KIAA1549L: variants seen among roughly 807,000 people sequenced by gnomAD.
The protein encoded by KIAA1549L is KIAA1549 like.
KIAA1549L carries 88 observed loss-of-function variants against 160.7 expected under a neutral mutation model. The observed-to-expected ratio is 0.55, with a 90% CI of 0.46 to 0.65. The LOEUF (loss-of-function observed/expected upper bound fraction) is 0.65. KIAA1549L is among the 30% of genes least tolerant of loss of function. KIAA1549L has a pLI of 0.00. For synonymous variants in KIAA1549L, 950 were observed against 976.7 expected, an observed-to-expected ratio of 0.97 and a Z score of 0.51; for missense variants, 2,258 against 2,437.5, an observed-to-expected ratio of 0.93 and a Z score of 1.55.
At chr11:33,606,589 A>G in intron 13 of KIAA1549L, 52 bp from the exon 14 acceptor site, 1 of 1,566,104 alleles carries the variant, frequency 6.4e-7, no homozygotes, top group Non-Finnish European at 8.7e-7. Flanking sequence ...TTCTCCTGGG[A>G]TCACACAGCT....
intron 1 of KIAA1549L, among the ~76,000 whole-genome samples, chr11:33,379,821 A>C (rs4755575): frequency 0.12 from 17,906 of 152,246 alleles, 1,483 homozygotes; most frequent in Middle Eastern, 0.23. Flanking sequence ...AGTGAATGCT[A>C]CCTGCTGTTT....
At chr11:33,415,392 G>A in intron 1 of KIAA1549L, among the ~76,000 whole-genome samples, 1 of 152,136 alleles carries the variant, frequency 6.6e-6, no homozygotes, top group Non-Finnish European at 1.5e-5. Flanking sequence ...TACCAGTTCT[G>A]AATTTGGCTT....
At chr11:33,449,081 G>A (rs1030266030) in intron 1 of KIAA1549L, among the ~76,000 whole-genome samples, 1 of 152,160 alleles carries the variant, frequency 6.6e-6, no homozygotes, top group Non-Finnish European at 1.5e-5. Context: ...GGAATAAAAA[G>A]TTAACAGTGA....
chr11:33,390,808 T>C (rs1474027491), intron 1 of KIAA1549L, among the ~76,000 whole-genome samples: 1 of 152,174 alleles, frequency 6.6e-6, no homozygotes, highest in Non-Finnish European at 1.5e-5. Flanking sequence ...TTGGCCAATT[T>C]TCCTTGTATA....
At chr11:33,398,455 C>A (rs912478912) in intron 1 of KIAA1549L, among the ~76,000 whole-genome samples, 1 of 152,110 alleles carries the variant, frequency 6.6e-6, no homozygotes, top group East Asian at 1.9e-4. Flanking sequence ...TCCCATAGAG[C>A]AGGAACTAGT....
intron 13 of KIAA1549L, among the ~76,000 whole-genome samples, chr11:33,600,172 C>G (rs1327289690): frequency 6.6e-6 from 1 of 152,106 alleles, no homozygotes; most frequent in African/African-American, 2.4e-5. Flanking sequence ...TTTTGTCTTT[C>G]CCTGAATTCT....
At chr11:33,630,831 T>TC (rs1851265697) in intron 16 of KIAA1549L, among the ~76,000 whole-genome samples, 1 of 152,230 alleles carries the variant, frequency 6.6e-6, no homozygotes, top group Admixed American at 6.5e-5. Context: ...CAAGGGCTTT[T>TC]CTCTACATGA....
intron 10 of KIAA1549L, among the ~76,000 whole-genome samples, chr11:33,576,302 A>G (rs189607982): frequency 2.2e-4 from 33 of 152,122 alleles, no homozygotes; most frequent in African/African-American, 8.0e-4. Flanking sequence ...CTGACCTTGT[A>G]TTGTCTTGCT....
chr11:33,461,311 C>G (rs977771267), intron 1 of KIAA1549L, among the ~76,000 whole-genome samples: 1 of 152,212 alleles, frequency 6.6e-6, no homozygotes, highest in African/African-American at 2.4e-5. Flanking sequence ...ATCTCACTCT[C>G]AGCTGTTACA....
chr11:33,447,858 G>A (rs1252508495), intron 1 of KIAA1549L, among the ~76,000 whole-genome samples: 1 of 152,100 alleles, frequency 6.6e-6, no homozygotes, highest in African/African-American at 2.4e-5. Flanking sequence ...ATAAATGCAA[G>A]AGTGAAGTGA....
Position 33,618,615 on chromosome 11 carries a change from G to A in KIAA1549L, c.5362G>A (p.Val1788Met). ...AGGGGAAACCGAGATGGACCTTCTGGTGACTCGGGAGCGACCCCGGCGTGG... is the reference window on the plus strand; with the variant it reads ...AGGGGAAACCGAGATGGACCTTCTGATGACTCGGGAGCGACCCCGGCGTGG... ...SPGETEMDLLVTRERPRRGIR... is the reference protein window; with the variant it reads ...SPGETEMDLLMTRERPRRGIR... Residue 1788 changes from valine (V) to methionine (M), a missense_variant, in exon 16 of 21, where the codon GTG becomes ATG. Coordinates refer to ENST00000658780, the MANE Select transcript of KIAA1549L (RefSeq NM_012194.3). 6.2e-7 allele frequency: 1 copy of A among 1,607,908 alleles called. No homozygotes were observed. Among genetic ancestry groups the A allele is most frequent in the South Asian group, 1.1e-5 (1 of 90,036 alleles).
In KIAA1549L at chr11:33,568,205, C is replaced by T; in HGVS notation, c.4208C>T (p.Thr1403Ile). 6.2e-7 allele frequency: 1 copy of T among 1,613,540 alleles called. No individual in the cohort carries two copies. Among genetic ancestry groups the T allele is most frequent in the African/African-American group, 1.3e-5 (1 of 74,982 alleles). The change falls in exon 9 of 21, where the codon ACC becomes ATC. Residue 1403 changes from threonine (T) to isoleucine (I), a missense_variant. By Grantham distance (89) the Thr-to-Ile change is moderately conservative. Coordinates refer to ENST00000658780, the MANE Select transcript of KIAA1549L (RefSeq NM_012194.3). ...GGCCGGCGGTTTAAACGGGCCACCA[C>T]CCTGGGAAGCTACACTGTGCAGGTA... ...QQGRRFKRATTLGSYTVQMVK... is the reference protein window; with the variant it reads ...QQGRRFKRATILGSYTVQMVK...
chr11:33,664,192 G>C (rs1296788345), intron 20 of KIAA1549L, among the ~76,000 whole-genome samples: 2 of 152,204 alleles, frequency 1.3e-5, no homozygotes, highest in Non-Finnish European at 2.9e-5. Context: ...TGGGACATCT[G>C]TTCTGTTACT....
intron 1 of KIAA1549L, among the ~76,000 whole-genome samples, chr11:33,380,721 G>A (rs1233305737): frequency 2.0e-5 from 3 of 151,994 alleles, no homozygotes; most frequent in African/African-American, 7.3e-5. Context: ...ATGAATCTGG[G>A]TACCACTGCA....
intron 1 of KIAA1549L, among the ~76,000 whole-genome samples, chr11:33,398,362 C>T (rs1010454555): frequency 6.6e-6 from 1 of 151,798 alleles, no homozygotes. Context: ...CTGGGGTAAG[C>T]TGAGTACAGG....
intron 1 of KIAA1549L, among the ~76,000 whole-genome samples, chr11:33,422,353 C>A (rs1851030744): frequency 6.6e-6 from 1 of 152,056 alleles, no homozygotes; most frequent in Non-Finnish European, 1.5e-5. Flanking sequence ...ATGTCTTGTA[C>A]TTTCTTTCCC....
At chr11:33,634,050 G>T (rs554517796) in intron 16 of KIAA1549L, among the ~76,000 whole-genome samples, 47 of 152,178 alleles carry the variant, frequency 3.1e-4, no homozygotes, top group African/African-American at 1.1e-3. Flanking sequence ...TGTTGTTGTT[G>T]TTGTTGTTTT....
At chr11:33,628,975 G>A (rs1851198097) in intron 16 of KIAA1549L, among the ~76,000 whole-genome samples, 2 of 151,384 alleles carry the variant, frequency 1.3e-5, no homozygotes, top group South Asian at 4.2e-4. Context: ...TTTTAGGGCA[G>A]GCCTGGTGGT....
chr11:33,530,856 A>G (rs1329239692), intron 1 of KIAA1549L, among the ~76,000 whole-genome samples: 1 of 152,206 alleles, frequency 6.6e-6, no homozygotes, highest in East Asian at 1.9e-4. Context: ...TGGAGATAAT[A>G]TGCAACCTTA....
Sources: allele counts gnomAD v4.1 joint callset (sites outside exome capture counted in the v4.1 genomes callset), GRCh38; gene constraint gnomAD v4.1.1; transcripts MANE v1.5; gene names NCBI Gene and HGNC (gene_info 2026-07-23, HGNC 2026-07-21).